Variants in GLIS1 observed in about 807,000 individuals in gnomAD.
GLIS1 encodes zinc finger protein GLIS1.
In GLIS1, 24 loss-of-function variants were observed where a neutral mutation model predicts 63.8. The ratio of observed to expected loss-of-function variants is 0.38; its 90% CI spans 0.27 to 0.53. The LOEUF is 0.53. Ranked by LOEUF, GLIS1 falls within the 20% of genes least tolerant of loss-of-function variation. The pLI is 0.85. For synonymous variants in GLIS1, 450 were observed against 482.5 expected (o/e 0.93, Z 0.88); for missense variants, 1,036 against 1,074.1 (o/e 0.96, Z 0.50).
In GLIS1 at chr1:53,509,994, G is replaced by C; in HGVS notation, c.1917C>G (p.Ser639Arg). ...GCGGTGGCCCCAGCCCCTTCAGGGGGCTGACTATTGGTGAGAGGAGGCCGG... is the reference window on the plus strand; with the variant it reads ...GCGGTGGCCCCAGCCCCTTCAGGGGCCTGACTATTGGTGAGAGGAGGCCGG... The part of the protein sequence containing the change: ...LGPGLLSPIV[S>R]PLKGLGPPPL... The change falls in exon 9 of 11, where the codon AGC (serine) becomes AGG (arginine). Residue 639 changes from serine to arginine, a missense_variant. Physicochemically the swap from Ser to Arg is moderately radical, Grantham distance 110 (BLOSUM62 -1). This residue lies in a region of GLIS1 where 400 missense variants were observed against 400.9 expected (regional missense o/e 1.00). Coordinates refer to ENST00000628545, the MANE Select transcript of GLIS1 (RefSeq NM_001367484.1). The C allele has an allele frequency of 7.8e-7, 1 of 1,284,872 alleles. No individual in the cohort carries two copies. The highest frequency in any genetic ancestry group is 9.9e-7 in the Non-Finnish European group (1 of 1,007,950). The allele number at this position is 1,284,872 out of a possible 1,614,324, so 79.6% of individuals were successfully genotyped here. A position where few individuals can be genotyped will look rare whatever the true frequency, so the allele number is the denominator to read the frequency against.
intron 4 of GLIS1, among the ~76,000 whole-genome samples, chr1:53,559,845 C>G (rs1644868848): frequency 6.6e-6 from 1 of 152,180 alleles, no homozygotes; most frequent in Non-Finnish European, 1.5e-5. Flanking sequence ...GTCATATACA[C>G]ACACTCTATC....
At position 53,703,633 on chromosome 1, in the gene GLIS1, T is replaced by C. The variant is rs1326129470; in HGVS notation, c.259+34173A>G. Among the ~76,000 whole-genome samples the C allele has an allele frequency of 4.9e-4, 69 of 139,930 alleles. 1 individual carries two copies. Among genetic ancestry groups the C allele is most frequent in the South Asian group, 4.8e-3 (20 of 4,206 alleles). The allele number at this position is 139,930 out of a possible 152,430, so 91.8% of individuals were successfully genotyped here. ...CAGCCAGGATGACAGAGTGAGACCCTGTCTCTAAAAAAAAAAAAAAAAAAA... is the reference window on the plus strand; with the variant it reads ...CAGCCAGGATGACAGAGTGAGACCCCGTCTCTAAAAAAAAAAAAAAAAAAA... On this transcript the variant is annotated intron_variant, in intron 2 of 10. Coordinates refer to ENST00000628545, the MANE Select transcript of GLIS1 (RefSeq NM_001367484.1).
At position 53,600,236 on chromosome 1, in the gene GLIS1, C is replaced by T. The variant is rs1645302438; in HGVS notation, c.302G>A (p.Ser101Asn). The T allele has an allele frequency of 8.1e-7, 1 of 1,232,130 alleles. No individual in the cohort carries two copies. Among genetic ancestry groups the T allele is most frequent in the Non-Finnish European group, 1.0e-6 (1 of 987,956 alleles). The allele number at this position is 1,232,130 out of a possible 1,614,324, so 76.3% of individuals were successfully genotyped here. The change falls in exon 3 of 11, where the codon AGC becomes AAC. Residue 101 changes from serine (S) to asparagine (N), a missense_variant. Physicochemically the swap from Ser to Asn is conservative, Grantham distance 46. Transcript: ENST00000628545. ...YGHRTPGSEK[S>N]LLDLDLAEGP... is the part of the protein sequence containing the mutation. ...CTCAGCAAGGTCCAGGTCCAGCAGG[C>T]TCTTCTCTGAGCCCGGGGTACGGTG...
At chr1:53,565,255 G>T (rs950412496) in intron 4 of GLIS1, among the ~76,000 whole-genome samples, 1 of 151,870 alleles carries the variant, frequency 6.6e-6, no homozygotes, top group Non-Finnish European at 1.5e-5. Context: ...CATTAAAAGG[G>T]AAATTTATTT....
In GLIS1 at chr1:53,543,014, G is replaced by A. The variant is rs117499441; in HGVS notation, c.1321-13062C>T. On this transcript the variant is annotated intron_variant, in intron 4 of 10. Transcript: ENST00000628545. ...GACTCTACGGGCCCCTTGGTTCAGT[G>A]TAAGCCCCCCAAAACCCAGAATTTG... Among the ~76,000 whole-genome samples, 176 of 150,874 alleles carry A rather than the reference G, an allele frequency of 1.2e-3. 1 individual carries two copies. The East Asian group carries it at 0.028, about 24-fold the overall frequency.
rs556168800 is a variant in GLIS1 at position 53,647,778 on chromosome 1, T to A, written c.260-47500A>T. 7.9e-5 allele frequency among the ~76,000 whole-genome samples: 12 copies of A among 151,966 alleles called. No homozygotes were observed. The East Asian group carries it at 2.3e-3, about 29-fold the overall frequency. The stretch of plus-strand genomic sequence containing the variant: ...GAGAGTTTCTACTCATCAAAAGACA[T>A]CATTAAGAGAGAAAAAGGGCAAGCC... On this transcript the variant is annotated intron_variant, in intron 2 of 10. Coordinates refer to ENST00000628545, the MANE Select transcript of GLIS1 (RefSeq NM_001367484.1).
At chr1:53,519,596 T>C (rs186605589) in intron 7 of GLIS1, among the ~76,000 whole-genome samples, 16 of 152,290 alleles carry the variant, frequency 1.1e-4, no homozygotes, top group Non-Finnish European at 1.2e-4. Context: ...TTATCTGGGC[T>C]GGATGCCTAA....
intron 8 of GLIS1, 101 bp from the exon 9 acceptor site, chr1:53,510,128 A>G (rs937765891): frequency 1.8e-6 from 1 of 564,606 alleles, no homozygotes; most frequent in Non-Finnish European, 2.7e-6. Context: ...CGGGGAGCCC[A>G]CTCACCAGCT....
At chr1:53,658,942 C>T (rs1430872633) in intron 2 of GLIS1, among the ~76,000 whole-genome samples, 2 of 152,066 alleles carry the variant, frequency 1.3e-5, no homozygotes, top group African/African-American at 4.8e-5. Context: ...TCTGAGGGGC[C>T]CAAAGAATGC....
At chr1:53,583,184 T>C (rs1434503759) in intron 4 of GLIS1, among the ~76,000 whole-genome samples, 1 of 152,154 alleles carries the variant, frequency 6.6e-6, no homozygotes, top group East Asian at 1.9e-4. Context: ...ACTGGCCAAG[T>C]AGCTTCCACT....
At chr1:53,687,107 C>A (rs1188859385) in intron 2 of GLIS1, among the ~76,000 whole-genome samples, 1 of 152,196 alleles carries the variant, frequency 6.6e-6, no homozygotes, top group African/African-American at 2.4e-5. Context: ...GGACTGGAAC[C>A]CGGAATCTCC....
intron 4 of GLIS1, among the ~76,000 whole-genome samples, chr1:53,534,536 G>A (rs1052029040): frequency 5.3e-5 from 8 of 152,002 alleles, no homozygotes; most frequent in African/African-American, 1.9e-4. Flanking sequence ...CCTGTGCCAG[G>A]GGCACTGAGC....
chr1:53,629,256 T>C (rs1645627161), intron 2 of GLIS1, among the ~76,000 whole-genome samples: 1 of 152,018 alleles, frequency 6.6e-6, no homozygotes, highest in Non-Finnish European at 1.5e-5. Flanking sequence ...GGGGACTCAC[T>C]CCTACCCATC....
At chr1:53,664,033 A>G (rs1355864563) in intron 2 of GLIS1, among the ~76,000 whole-genome samples, 2 of 152,118 alleles carry the variant, frequency 1.3e-5, no homozygotes, top group African/African-American at 4.8e-5. Context: ...AGAGAATCCA[A>G]CTCAGAAAAT....
Position 53,594,477 on chromosome 1 carries a change from C to A in GLIS1, c.951G>T (p.Ala317=). ...GSLQLEACRK[A]SFLKQEPADE... ...CCGCGGGTTCCTGCTTCAGGAAGCT[C>A]GCCTTCCGGCAGGCTTCAAGTTGCA... The change falls in exon 4 of 11, where the codon GCG becomes GCT. Residue 317 remains alanine (A), a synonymous_variant. Transcript: ENST00000628545. 6.2e-7 allele frequency: 1 copy of A among 1,612,950 alleles called. No individual in the cohort carries two copies. The highest frequency in any genetic ancestry group is 8.5e-7 in the Non-Finnish European group (1 of 1,179,972).
chr1:53,532,677 G>A (rs1644543513), intron 4 of GLIS1, among the ~76,000 whole-genome samples: 1 of 152,268 alleles, frequency 6.6e-6, no homozygotes, highest in African/African-American at 2.4e-5. Flanking sequence ...AGCATCCTTT[G>A]TTCCCCTCTG....
chr1:53,615,212 C>G (rs1645468312), intron 2 of GLIS1, among the ~76,000 whole-genome samples: 1 of 152,148 alleles, frequency 6.6e-6, no homozygotes, highest in African/African-American at 2.4e-5. Context: ...GCCCAGGGAA[C>G]TGCTGGGTAT....
chr1:53,691,184 C>T lies in GLIS1; in HGVS notation c.259+46622G>A, dbSNP rs527291199. ...CAGCCTGGGCAACCCAGCAAGACCT[C>T]CATCTCTACAAAAAATTTTGTAGAG... On this transcript the variant is annotated intron_variant, in intron 2 of 10. Coordinates refer to ENST00000628545, the MANE Select transcript of GLIS1 (RefSeq NM_001367484.1). Among the ~76,000 whole-genome samples, 13 of 152,272 alleles carry T rather than the reference C, an allele frequency of 8.5e-5. 1 individual carries two copies. The South Asian group carries it at 1.5e-3, about 17-fold the overall frequency.
At chr1:53,672,374 A>G (rs2100399402) in intron 2 of GLIS1, among the ~76,000 whole-genome samples, 1 of 152,352 alleles carries the variant, frequency 6.6e-6, no homozygotes, top group East Asian at 1.9e-4. Context: ...CTCAACTCAG[A>G]GCTGTATGGA....
Sources: allele counts gnomAD v4.1 joint callset (sites outside exome capture counted in the v4.1 genomes callset), GRCh38; gene constraint gnomAD v4.1.1; regional missense constraint gnomAD v4.1.1; transcripts MANE v1.5; gene names NCBI Gene and HGNC (gene_info 2026-07-23, HGNC 2026-07-21).